DDX47: variants seen among roughly 807,000 people sequenced by gnomAD.
DDX47 encodes the protein DEAD-box helicase 47.
In DDX47, 60 loss-of-function variants were observed where a neutral mutation model predicts 58.8. The observed-to-expected ratio is 1.02, with a 90% confidence interval of 0.83 to 1.26. DDX47 has a LOEUF of 1.26. Among genes scored for constraint, DDX47 ranks in the 50% most tolerant of loss-of-function variants. The probability of loss-of-function intolerance (pLI) is 0.00; values close to 1 mark genes in which losing one functional copy is unlikely to be tolerated. For synonymous variants in DDX47, 197 were observed against 204.6 expected (o/e 0.96, Z 0.32); for missense variants, 530 against 573.2 (o/e 0.92, Z 0.77).
At chr12:12,814,060 A>C in intron 1 of DDX47, 71 bp from the exon 2 acceptor site, 1 of 927,980 alleles carries the variant, frequency 1.1e-6, no homozygotes, top group Non-Finnish European at 1.8e-6. Context: ...GATGGGTCTG[A>C]CAGTCAGTTA....
At chr12:12,820,954 G>A (rs1447443698) in intron 2 of DDX47, among the ~76,000 whole-genome samples, 2 of 151,936 alleles carry the variant, frequency 1.3e-5, no homozygotes, top group Non-Finnish European at 2.9e-5. Context: ...TTGTGTTCTC[G>A]CTGTATTTTG....
Position 12,827,310 on chromosome 12 carries a change from A to G in DDX47, c.1171A>G (p.Thr391Ala), listed in dbSNP as rs1218728624. Residue 391 changes from threonine (T) to alanine (A), a missense_variant, in exon 11 of 12, where the codon ACA becomes GCA. Transcript: ENST00000358007. ...LIGKKLPGFPTQDDEVMMLTE... is the reference protein window; with the variant it reads ...LIGKKLPGFPAQDDEVMMLTE... ...TGGGAAGAAACTACCAGGTTTTCCA[A>G]CACAGGATGATGAGGTTATGATGCT... The G allele has an allele frequency of 3.1e-6, 5 of 1,614,086 alleles. No individual in the cohort carries two copies. The highest frequency in any genetic ancestry group is 2.2e-5 in the East Asian group (1 of 44,898).
At chr12:12,824,807 T>C in intron 9 of DDX47, 130 bp downstream of exon 9, 1 of 965,172 alleles carries the variant, frequency 1.0e-6, no homozygotes, top group Non-Finnish European at 1.5e-6. Flanking sequence ...AAGAAAGCCC[T>C]TGGTTAGTTC....
rs1592326765 is a variant in DDX47, at chr12:12,829,825, G to C, written c.*271G>C. 3.8e-6 allele frequency: 1 copy of C among 262,254 alleles called. No homozygotes were observed. Among genetic ancestry groups the C allele is most frequent in the East Asian group, 7.5e-5 (1 of 13,294 alleles). The allele number at this position is 262,254 out of a possible 1,614,324, so 16.2% of individuals were successfully genotyped here. A position where few individuals can be genotyped will look rare whatever the true frequency, so the allele number is the denominator to read the frequency against. ...TTCTGTCACTTCACACAGACCTTTT[G>C]CCTTTTTTAGCTGCAAGTCAAGGAC... On this transcript the variant is annotated 3_prime_UTR_variant, in exon 12 of 12. Coordinates refer to ENST00000358007, the MANE Select transcript of DDX47 (RefSeq NM_016355.4).
chr12:12,828,107 C>T (rs968319989), intron 11 of DDX47, among the ~76,000 whole-genome samples: 5 of 152,034 alleles, frequency 3.3e-5, no homozygotes, highest in African/African-American at 1.2e-4. Flanking sequence ...ATCCCCCCGC[C>T]TCGGCCTCCC....
chr12:12,816,331 C>T (rs896898304), intron 2 of DDX47, among the ~76,000 whole-genome samples: 4 of 152,002 alleles, frequency 2.6e-5, no homozygotes, highest in African/African-American at 9.7e-5. Flanking sequence ...TTGAAAATTG[C>T]TAGGAGAGTG....
rs768341957 is a variant in DDX47, at chr12:12,821,639, CT to C, written c.371-9del. 12 of 1,612,358 alleles carry C rather than the reference CT, an allele frequency of 7.4e-6. No individual in the cohort carries two copies. The highest frequency in any genetic ancestry group is 4.2e-6 in the Non-Finnish European group (5 of 1,178,832). On this transcript the variant is annotated splice_polypyrimidine_tract_variant and intron_variant, in intron 3 of 11. Coordinates refer to ENST00000358007, the MANE Select transcript of DDX47 (RefSeq NM_016355.4). ...AAATTAAGGATCTCGTCTCTATGTTCTTTTTTTCTCTGTAGCTGTGATTGTA... is the reference window on the plus strand; with the variant it reads ...AAATTAAGGATCTCGTCTCTATGTTCTTTTTTCTCTGTAGCTGTGATTGTA...
In DDX47 at chr12:12,821,361, T is replaced by A; in HGVS notation, c.335T>A (p.Phe112Tyr). Residue 112 changes from phenylalanine (F) to tyrosine (Y), a missense_variant, in exon 3 of 12, where the codon TTT becomes TAT. Coordinates refer to ENST00000358007, the MANE Select transcript of DDX47 (RefSeq NM_016355.4). ...CTGGCCTTTCAGATCTCAGAGCAGT[T>A]TGAAGCCCTGGGGTCCTCTATTGGA... ...RELAFQISEQ[F>Y]EALGSSIGVQ... 1 of 1,614,192 alleles carries A rather than the reference T, an allele frequency of 6.2e-7. No homozygotes were observed. The highest frequency in any genetic ancestry group is 8.5e-7 in the Non-Finnish European group (1 of 1,180,024).
Position 12,824,668 on chromosome 12 carries a change from C to A in DDX47, c.1026C>A (p.Thr342=), listed in dbSNP as rs760386675. 1.4e-5 allele frequency: 23 copies of A among 1,613,998 alleles called. No individual in the cohort carries two copies. The highest frequency in any genetic ancestry group is 5.0e-5 in the Admixed American group (3 of 59,990). ...VDVVVNFDIP[T]HSKDYIHRVG... is the part of the protein sequence containing the mutation. ...TGGTTGTCAACTTTGACATTCCTAC[C>A]CATTCCAAGGTGAGTCCTATTGCTA... The change falls in exon 9 of 12, where the codon ACC becomes ACA. Residue 342 remains threonine (T), a synonymous_variant. Coordinates refer to ENST00000358007, the MANE Select transcript of DDX47 (RefSeq NM_016355.4).
chr12:12,818,382 G>C (rs920956248), intron 2 of DDX47, among the ~76,000 whole-genome samples: 1 of 152,078 alleles, frequency 6.6e-6, no homozygotes, highest in African/African-American at 2.4e-5. Flanking sequence ...TTAGCAGGGC[G>C]TGGTGACGGG....
chr12:12,813,570 G>T (rs1481613905), intron 1 of DDX47, 116 bp downstream of exon 1: 8 of 986,576 alleles, frequency 8.1e-6, no homozygotes, highest in Non-Finnish European at 1.2e-5. Context: ...GCCTAGCTTG[G>T]GTTTTCCCCA....
In DDX47 at chr12:12,821,742, AG is replaced by A; in HGVS notation, c.442+18del. The A allele has an allele frequency of 6.3e-7, 1 of 1,587,726 alleles. No individual in the cohort carries two copies. The highest frequency in any genetic ancestry group is 2.2e-5 in the East Asian group (1 of 44,736). ...ATAATAATAGGTGAGTAACTGACAA[AG>A]GTAAAAGACACTGGCAGTGATGAAT... is the stretch of plus-strand genomic sequence containing the variant. On this transcript the variant is annotated intron_variant, in intron 4 of 11. Coordinates refer to ENST00000358007, the MANE Select transcript of DDX47 (RefSeq NM_016355.4).
chr12:12,822,186 C>T, intron 5 of DDX47, 103 bp downstream of exon 5: 1 of 707,348 alleles, frequency 1.4e-6, no homozygotes, highest in Admixed American at 2.4e-5. Context: ...GCATTAGTAT[C>T]AGTTTCATTC....
chr12:12,822,672 C>T lies in DDX47; in HGVS notation c.573C>T (p.Ile191=). Residue 191 remains isoleucine, a synonymous_variant, in exon 6 of 12, where the codon ATC becomes ATT. Transcript: ENST00000358007. The stretch of plus-strand genomic sequence containing the variant: ...TCTTTGTGCTTTAGGTTGACAAGAT[C>T]CTCAAAGTGATTCCTCGAGATCGGA... ...NMDFETEVDK[I]LKVIPRDRKT... 1 of 1,613,874 alleles carries T rather than the reference C, an allele frequency of 6.2e-7. No homozygotes were observed. The highest frequency in any genetic ancestry group is 1.7e-5 in the Admixed American group (1 of 60,008).
At chr12:12,827,869 C>CTTTTTTTTTTTTTTTTTTTTTTTTTTT (rs1354059622) in intron 11 of DDX47, among the ~76,000 whole-genome samples, 4 of 109,692 alleles carry the variant, frequency 3.6e-5, no homozygotes, top group African/African-American at 3.4e-5. Context: ...CAAAACTTTT[C>CTTTTTTTTTTTTTTTTTTTTTTTTTTT]TTTTTTCTTT....
chr12:12,826,905 A>C (rs1360878024), intron 10 of DDX47, among the ~76,000 whole-genome samples: 2 of 152,062 alleles, frequency 1.3e-5, no homozygotes, highest in African/African-American at 4.8e-5. Flanking sequence ...TTACAGGCAC[A>C]TGCCACCACG....
intron 2 of DDX47, among the ~76,000 whole-genome samples, chr12:12,816,131 G>A (rs140348515): frequency 3.8e-4 from 58 of 152,194 alleles, no homozygotes; most frequent in African/African-American, 1.3e-3. Context: ...AAAAAGGAAC[G>A]GGGGAAAAAT....
intron 2 of DDX47, among the ~76,000 whole-genome samples, chr12:12,818,257 C>G (rs1378697760): frequency 6.6e-6 from 1 of 152,160 alleles, no homozygotes; most frequent in Admixed American, 6.5e-5. Flanking sequence ...CGTGGTGGCT[C>G]ACGCCTGTAA....
At chr12:12,821,417 G>A in intron 3 of DDX47, 21 bp downstream of exon 3, 1 of 1,613,586 alleles carries the variant, frequency 6.2e-7, no homozygotes, top group South Asian at 1.1e-5. Context: ...GAGAGGGAAG[G>A]GATCCTAGGT....
Sources: allele counts gnomAD v4.1 joint callset (sites outside exome capture counted in the v4.1 genomes callset), GRCh38; gene constraint gnomAD v4.1.1; transcripts MANE v1.5; gene names NCBI Gene and HGNC (gene_info 2026-07-23, HGNC 2026-07-21).